Variants in RBM26 observed in about 807,000 individuals in gnomAD.
RBM26 encodes RNA-binding protein 26.
Under a neutral mutation model 123.6 loss-of-function variants are expected in RBM26, and 30 were observed. The ratio of observed to expected loss-of-function variants is 0.24; its 90% CI spans 0.18 to 0.33. The LOEUF is 0.33. Ranked by LOEUF, RBM26 falls within the 10% of genes least tolerant of loss-of-function variation. RBM26 has a pLI of 1.00. For synonymous variants in RBM26, 400 were observed against 404.4 expected (o/e 0.99, Z 0.13); for missense variants, 947 against 1,203.6 (o/e 0.79, Z 3.15).
At chr13:79,382,219 T>G (rs376260194) in intron 1 of RBM26, among the ~76,000 whole-genome samples, 48 of 152,236 alleles carry the variant, frequency 3.2e-4, no homozygotes, top group Admixed American at 1.2e-3. Context: ...TTAAAAAAAC[T>G]ATATTCATAT....
At chr13:79,354,203 TA>T (rs1384504274) in intron 13 of RBM26, among the ~76,000 whole-genome samples, 2 of 151,738 alleles carry the variant, frequency 1.3e-5, no homozygotes, top group African/African-American at 2.4e-5. Flanking sequence ...TCATAAATAT[TA>T]ACTGGAGAGA....
At chr13:79,382,290 G>GCAA (rs1382742415) in intron 1 of RBM26, among the ~76,000 whole-genome samples, 1 of 151,996 alleles carries the variant, frequency 6.6e-6, no homozygotes, top group Non-Finnish European at 1.5e-5. Context: ...TACTTTACCA[G>GCAA]TTGCCACTGC....
chr13:79,381,228 A>C (rs984337673), intron 1 of RBM26, among the ~76,000 whole-genome samples: 4 of 152,034 alleles, frequency 2.6e-5, no homozygotes, highest in Non-Finnish European at 4.4e-5. Flanking sequence ...TCAAGATTTA[A>C]AACTAAATCT....
chr13:79,331,399 T>A (rs2069323459), intron 20 of RBM26, among the ~76,000 whole-genome samples: 1 of 148,206 alleles, frequency 6.7e-6, no homozygotes, highest in South Asian at 2.1e-4. Flanking sequence ...GGCAGGTGGA[T>A]CACGAGGTCA....
intron 9 of RBM26, among the ~76,000 whole-genome samples, chr13:79,361,142 GTCTA>G (rs921635243): frequency 2.6e-5 from 4 of 152,020 alleles, no homozygotes; most frequent in African/African-American, 7.2e-5. Context: ...TTCATATTAA[GTCTA>G]TCTTTTATTT....
Position 79,368,742 on chromosome 13 carries a change from T to C in RBM26, c.883A>G (p.Arg295Gly). 1.9e-6 allele frequency: 3 copies of C among 1,613,944 alleles called. No homozygotes were observed. Among genetic ancestry groups the C allele is most frequent in the Non-Finnish European group, 2.5e-6 (3 of 1,179,842 alleles). Reference sequence around the variant, plus strand: ...CTGAAAGACTTACCATCATAGTCTCTACACCGTTTCTTTGGCATGGGTGGT... The same window carrying C: ...CTGAAAGACTTACCATCATAGTCTCCACACCGTTTCTTTGGCATGGGTGGT... The part of the protein sequence containing the change: ...VRPPMPKKRC[R>G]DYDEKGFCMR... Residue 295 changes from arginine (R) to glycine (G), a missense_variant, in exon 6 of 22, where the codon AGA becomes GGA. Arg to Gly is a moderately radical substitution (Grantham distance 125, BLOSUM62 -2). This residue lies in a region of RBM26 where 275 missense variants were observed against 361.0 expected (regional missense o/e 0.76). Transcript: ENST00000438737.
At position 79,319,985 on chromosome 13, in the gene RBM26, CT is replaced by C. The variant is rs1389815284; in HGVS notation, c.*635del. 2.7e-6 allele frequency: 1 copy of C among 374,248 alleles called. No homozygotes were observed. Among genetic ancestry groups the C allele is most frequent in the African/African-American group, 9.5e-5 (1 of 10,522 alleles). The allele number at this position is 374,248 out of a possible 1,614,324, so 23.2% of individuals were successfully genotyped here. The stretch of plus-strand genomic sequence containing the variant: ...TTTTTTTTTTTGTCATTGCTTTTCT[CT>C]TTTCTTTCCTTTTTTTTTTTTAAAG... On this transcript the variant is annotated 3_prime_UTR_variant, in exon 22 of 22. Transcript: ENST00000438737.
intron 20 of RBM26, among the ~76,000 whole-genome samples, chr13:79,326,697 A>G (rs1267200557): frequency 5.3e-5 from 8 of 152,198 alleles, no homozygotes; most frequent in Non-Finnish European, 1.5e-5. Context: ...TTTAAAAAAC[A>G]TATTTCCAAA....
intron 20 of RBM26, among the ~76,000 whole-genome samples, chr13:79,331,512 T>C (rs950153077): frequency 8.0e-5 from 12 of 149,676 alleles, no homozygotes; most frequent in African/African-American, 2.9e-4. Context: ...CAGGCACCTC[T>C]AGTCCCAGCT....
At chr13:79,314,874 T>C, downstream of RBM26, 4 of 711,300 alleles carry the variant, frequency 5.6e-6, no homozygotes, top group East Asian at 6.5e-5. Flanking sequence ...TCTGTTCAAA[T>C]TGATAAAGAG....
At chr13:79,385,348 T>C (rs2140312209) in intron 1 of RBM26, among the ~76,000 whole-genome samples, 1 of 152,316 alleles carries the variant, frequency 6.6e-6, no homozygotes, top group East Asian at 1.9e-4. Flanking sequence ...TACACCCAGT[T>C]CATTCTACAA....
In RBM26 at chr13:79,336,149, T is replaced by C. The variant is rs1427997857; in HGVS notation, c.2733+953A>G. ...TCTGAATTTTCAAAAGGTTAAATCA[T>C]TTATGTACCTACCTACTAGCTTACC... On this transcript the variant is annotated intron_variant, in intron 19 of 21. Transcript: ENST00000438737. 3.9e-5 allele frequency among the ~76,000 whole-genome samples: 6 copies of C among 152,190 alleles called. No individual in the cohort carries two copies. The South Asian group carries it at 8.3e-4, about 21-fold the overall frequency.
At position 79,353,559 on chromosome 13, in the gene RBM26, T is replaced by C. The variant is rs144908582; in HGVS notation, c.1987-335A>G. On this transcript the variant is annotated intron_variant, in intron 13 of 21. Transcript: ENST00000438737. ...TATGCCCACTTACTGAGCTTAAAAA[T>C]AGTGCCAACTTCTTCTAAAGTATGT... Among the ~76,000 whole-genome samples, 598 of 152,326 alleles carry C rather than the reference T, an allele frequency of 3.9e-3. 8 individuals carry two copies. The highest frequency in any genetic ancestry group is 0.014 in the African/African-American group (577 of 41,572).
rs146879158 is a variant in RBM26 at position 79,358,366 on chromosome 13, T to G, written c.1597A>C (p.Lys533Gln). Residue 533 changes from lysine to glutamine, a missense_variant, in exon 11 of 22, where the codon AAG (lysine) becomes CAG (glutamine). Transcript: ENST00000438737. ...KKVQFGNENTKLELRKVPPEL... is the reference protein window; with the variant it reads ...KKVQFGNENTQLELRKVPPEL... ...GGAGGAACTTTTCTAAGTTCAAGCTTGGTATTTTCATTTCCAAATTGAACC... is the reference window on the plus strand; with the variant it reads ...GGAGGAACTTTTCTAAGTTCAAGCTGGGTATTTTCATTTCCAAATTGAACC... 1.3e-5 allele frequency: 21 copies of G among 1,612,044 alleles called. No homozygotes were observed. Among genetic ancestry groups the G allele is most frequent in the Non-Finnish European group, 1.7e-5 (20 of 1,179,368 alleles).
intron 18 of RBM26, among the ~76,000 whole-genome samples, chr13:79,339,459 G>C (rs894589486): frequency 1.3e-5 from 2 of 152,070 alleles, no homozygotes; most frequent in African/African-American, 2.4e-5. Context: ...TGGGGTGATG[G>C]ACATGTTAGC....
At chr13:79,344,599 G>A (rs2071982823) in intron 15 of RBM26, 70 bp downstream of exon 15, 1 of 1,404,162 alleles carries the variant, frequency 7.1e-7, no homozygotes. Context: ...AATAAGCACT[G>A]AAAAAACACA....
At position 79,342,812 on chromosome 13, in the gene RBM26, T is replaced by C; in HGVS notation, c.2279A>G (p.Glu760Gly). 6.3e-7 allele frequency: 1 copy of C among 1,594,562 alleles called. No individual in the cohort carries two copies. Residue 760 changes from glutamate to glycine, a missense_variant, in exon 17 of 22, where the codon GAG (glutamate) becomes GGG (glycine). This residue lies in a region of RBM26 where 493 missense variants were observed against 563.1 expected (regional missense o/e 0.88). Transcript: ENST00000438737. ...ETQKMLISKLEKNKTMKSEDK... is the reference protein window; with the variant it reads ...ETQKMLISKLGKNKTMKSEDK... ...TTCAGACTTCATTGTTTTGTTTTTC[T>C]CCAGTTTTGAAATTAACATCTGCCA...
At position 79,371,034 on chromosome 13, in the gene RBM26, C is replaced by T. The variant is rs1393587279; in HGVS notation, c.545G>A (p.Ser182Asn). 3 of 1,612,604 alleles carry T rather than the reference C, an allele frequency of 1.9e-6. No individual in the cohort carries two copies. ...CTCTTTACTCCAACTTCGACTTCGACTCCTGCTATAACTGCGACTCCGCCC... is the reference window on the plus strand; with the variant it reads ...CTCTTTACTCCAACTTCGACTTCGATTCCTGCTATAACTGCGACTCCGCCC... The part of the protein sequence containing the change: ...RRGRSRSYSR[S>N]RSRSWSKERL... Residue 182 changes from serine to asparagine, a missense_variant, in exon 5 of 22, where the codon AGT (serine) becomes AAT (asparagine). Ser to Asn is a conservative substitution (Grantham distance 46). This residue lies in a region of RBM26 where 275 missense variants were observed against 361.0 expected (regional missense o/e 0.76). Coordinates refer to ENST00000438737, the MANE Select transcript of RBM26 (RefSeq NM_001366735.2).
chr13:79,337,928 T>C (rs1174070685), intron 18 of RBM26, among the ~76,000 whole-genome samples: 1 of 152,166 alleles, frequency 6.6e-6, no homozygotes, highest in East Asian at 1.9e-4. Context: ...ATTAAACAAC[T>C]AAGTTATGGC....
Sources: gnomAD v4.1 joint callset for allele counts (sites outside exome capture counted in the v4.1 genomes callset) on GRCh38, gnomAD v4.1.1 for gene constraint, gnomAD v4.1.1 regional missense constraint, MANE v1.5 for transcripts, NCBI Gene and HGNC (gene_info 2026-07-23, HGNC 2026-07-21) for gene names.